Variants in TPTE2 observed in about 807,000 individuals in gnomAD.
TPTE2 encodes the protein transmembrane phosphoinositide 3-phosphatase and tensin homolog 2.
A neutral mutation model predicts 78.6 loss-of-function variants in TPTE2; 53 were observed. The observed-to-expected ratio is 0.67, with a 90% confidence interval of 0.54 to 0.85. TPTE2 has a LOEUF of 0.85. Among genes scored for constraint, TPTE2 ranks in the 40% least tolerant of loss-of-function variants. The probability of loss-of-function intolerance (pLI) is 0.00; values close to 1 mark genes in which losing one functional copy is unlikely to be tolerated. For synonymous variants in TPTE2, 175 were observed against 206.2 expected (o/e 0.85, Z 1.30); for missense variants, 461 against 623.0 (o/e 0.74, Z 2.77).
chr13:19,454,171 T>C (rs1448705501), intron 10 of TPTE2, among the ~76,000 whole-genome samples: 1 of 152,216 alleles, frequency 6.6e-6, no homozygotes, highest in East Asian at 1.9e-4. Context: ...ATCTGACACT[T>C]CTCCACTAGC....
At chr13:19,435,501 G>A (rs980871255) in intron 15 of TPTE2, among the ~76,000 whole-genome samples, 1 of 152,102 alleles carries the variant, frequency 6.6e-6, no homozygotes, top group Non-Finnish European at 1.5e-5. Context: ...AATGACTGTT[G>A]CAGCAATGTG....
At chr13:19,537,492 C>G (rs571888387), upstream of TPTE2, among the ~76,000 whole-genome samples, 2 of 152,082 alleles carry the variant, frequency 1.3e-5, no homozygotes, top group East Asian at 3.9e-4. Flanking sequence ...TTCAGCCTCC[C>G]AAAGTGCTGG....
intron 1 of TPTE2, among the ~76,000 whole-genome samples, chr13:19,501,996 C>A (rs940919909): frequency 6.9e-6 from 1 of 145,658 alleles, no homozygotes; most frequent in Non-Finnish European, 1.5e-5. Context: ...AGGACATGAA[C>A]AGACACTTCT....
the TPTE2 span, among the ~76,000 whole-genome samples, chr13:19,558,942 T>C: frequency 2.6e-5 from 4 of 152,234 alleles, no homozygotes; most frequent in Admixed American, 2.6e-4. Flanking sequence ...TGTACTTCTA[T>C]TTATCTGTGC....
intron 16 of TPTE2, among the ~76,000 whole-genome samples, 200 bp from the exon 20 acceptor site, chr13:19,430,747 TATAAG>T (rs1487144003): frequency 2.0e-5 from 3 of 152,340 alleles, no homozygotes; most frequent in African/African-American, 7.2e-5. Context: ...AAGCAGATTT[TATAAG>T]ATGAGAGAAG....
chr13:19,461,216 T>C (rs1878866252), intron 10 of TPTE2, among the ~76,000 whole-genome samples: 1 of 152,154 alleles, frequency 6.6e-6, no homozygotes, highest in Non-Finnish European at 1.5e-5. Context: ...AGAGACCACA[T>C]GGGGCCATTC....
At chr13:19,519,063 G>A (rs1869983412) in intron 1 of TPTE2, among the ~76,000 whole-genome samples, 1 of 152,044 alleles carries the variant, frequency 6.6e-6, no homozygotes, top group Non-Finnish European at 1.5e-5. Flanking sequence ...AACCCCACCA[G>A]GTTCTCATGA....
At chr13:19,494,368 C>G (rs945346995) in intron 1 of TPTE2, among the ~76,000 whole-genome samples, 1 of 152,204 alleles carries the variant, frequency 6.6e-6, no homozygotes, top group Non-Finnish European at 1.5e-5. Flanking sequence ...GTCTCTTTCT[C>G]TGTCACTGTT....
chr13:19,530,677 T>C (rs1870813825), intron 1 of TPTE2, among the ~76,000 whole-genome samples: 1 of 152,072 alleles, frequency 6.6e-6, no homozygotes, highest in African/African-American at 2.4e-5. Context: ...CCTGAGTAGC[T>C]GGGACCATAG....
At chr13:19,481,517 G>T (rs1400554497) in intron 4 of TPTE2, among the ~76,000 whole-genome samples, 1 of 151,984 alleles carries the variant, frequency 6.6e-6, no homozygotes, top group Non-Finnish European at 1.5e-5. Context: ...TTTCTCACAG[G>T]GACTACTGCA....
chr13:19,434,117 T>C (rs1343852917), intron 15 of TPTE2, among the ~76,000 whole-genome samples: 3 of 151,878 alleles, frequency 2.0e-5, no homozygotes, highest in Non-Finnish European at 4.4e-5. Flanking sequence ...ACAAAGAAAA[T>C]ATTATGAGAA....
At chr13:19,427,343 G>A (rs144221521) in intron 17 of TPTE2, among the ~76,000 whole-genome samples, 3,786 of 151,324 alleles carry the variant, frequency 0.025, 117 homozygotes, top group African/African-American at 0.073. Context: ...CTGGCCTCCC[G>A]AAGTGCTGGG....
At chr13:19,546,477 C>CTTTTTGTTTTTTTTTT in the TPTE2 span, among the ~76,000 whole-genome samples, 1 of 96,930 alleles carries the variant, frequency 1.0e-5, no homozygotes, top group African/African-American at 3.5e-5. Flanking sequence ...GTTTTTTTTT[C>CTTTTTGTTTTTTTTTT]TTTTTCTTTT....
intron 1 of TPTE2, among the ~76,000 whole-genome samples, chr13:19,514,563 T>C (rs1869661024): frequency 7.3e-6 from 1 of 136,274 alleles, no homozygotes; most frequent in African/African-American, 2.6e-5. Context: ...AAAGAAACAA[T>C]TTCAGGATAC....
At chr13:19,560,455 G>A in the TPTE2 span, 8 of 1,607,514 alleles carry the variant, frequency 5.0e-6, no homozygotes, top group Non-Finnish European at 6.8e-6. Flanking sequence ...CAGTGGCAGT[G>A]AGCGCTGGGC....
chr13:19,524,936 C>A (rs1420302574), intron 1 of TPTE2, among the ~76,000 whole-genome samples: 1 of 152,110 alleles, frequency 6.6e-6, no homozygotes, highest in African/African-American at 2.4e-5. Context: ...ACAGGAGATG[C>A]CTGCACAGTA....
At chr13:19,434,582 C>CTTTGTTTTGT (rs547488667) in intron 15 of TPTE2, among the ~76,000 whole-genome samples, 60 of 148,428 alleles carry the variant, frequency 4.0e-4, no homozygotes, top group Non-Finnish European at 4.2e-4. Flanking sequence ...CTATGACTAT[C>CTTTGTTTTGT]TTTGTTTTGT....
intron 1 of TPTE2, among the ~76,000 whole-genome samples, chr13:19,494,756 G>A (rs1881207393): frequency 6.6e-6 from 1 of 152,164 alleles, no homozygotes; most frequent in Admixed American, 6.5e-5. Flanking sequence ...CTCTCTCAAT[G>A]ATGACTCCCG....
intron 1 of TPTE2, among the ~76,000 whole-genome samples, chr13:19,528,495 A>G (rs1351914910): frequency 1.3e-5 from 2 of 152,142 alleles, no homozygotes; most frequent in Non-Finnish European, 2.9e-5. Context: ...AAATTTACTA[A>G]TTTTTATTTT....
Sources: allele counts gnomAD v4.1 joint callset (sites outside exome capture counted in the v4.1 genomes callset), GRCh38; gene constraint gnomAD v4.1.1; transcripts MANE v1.5; gene names NCBI Gene and HGNC (gene_info 2026-07-23, HGNC 2026-07-21).